Variants in ANKHD1 observed in about 807,000 individuals in gnomAD.
ANKHD1 encodes ankyrin repeat and KH domain-containing protein 1.
In ANKHD1, 31 loss-of-function variants were observed where a neutral mutation model predicts 230.5. That is an observed-to-expected ratio of 0.13 (90% CI 0.10 to 0.18). The LOEUF is 0.18. ANKHD1 is among the 10% of genes least tolerant of loss of function. ANKHD1 has a pLI of 1.00. For synonymous variants in ANKHD1, 1,074 were observed against 1,117.6 expected (o/e 0.96, Z 0.78); for missense variants, 2,256 against 3,071.3 (o/e 0.73, Z 6.27).
At chr5:140,441,825 A>G (rs1773870501) in intron 5 of ANKHD1, among the ~76,000 whole-genome samples, 1 of 152,094 alleles carries the variant, frequency 6.6e-6, no homozygotes, top group African/African-American at 2.4e-5. Flanking sequence ...AATTTGTTCT[A>G]TAGTAACCAT....
At chr5:140,514,438 G>C (rs1276879705) in intron 24 of ANKHD1, among the ~76,000 whole-genome samples, 2 of 151,966 alleles carry the variant, frequency 1.3e-5, no homozygotes, top group African/African-American at 4.8e-5. Context: ...AGGTTGCAGT[G>C]ACCTGTGATT....
At chr5:140,488,804 G>A (rs1183891403) in intron 14 of ANKHD1, among the ~76,000 whole-genome samples, 1 of 152,038 alleles carries the variant, frequency 6.6e-6, no homozygotes, top group Non-Finnish European at 1.5e-5. Flanking sequence ...GGAAGCTGAG[G>A]CATGAGAATC....
intron 8 of ANKHD1, 125 bp downstream of exon 8, chr5:140,458,987 T>TATATAC (rs1775480116): frequency 4.8e-5 from 1 of 20,762 alleles, no homozygotes; most frequent in Non-Finnish European, 8.4e-5. Context: ...TATGCATATA[T>TATATAC]ATATATATGC....
intron 7 of ANKHD1, among the ~76,000 whole-genome samples, chr5:140,456,998 A>G (rs1775244118): frequency 6.6e-6 from 1 of 152,168 alleles, no homozygotes; most frequent in Non-Finnish European, 1.5e-5. Context: ...AATGAACTCA[A>G]ACAAATTTAC....
intron 9 of ANKHD1, among the ~76,000 whole-genome samples, chr5:140,460,756 A>G (rs1775643354): frequency 6.6e-6 from 1 of 152,116 alleles, no homozygotes; most frequent in Non-Finnish European, 1.5e-5. Context: ...CCTGGGCTCA[A>G]GCAATCCTTC....
chr5:140,489,035 C>G (rs967247507), intron 14 of ANKHD1, among the ~76,000 whole-genome samples: 3 of 151,884 alleles, frequency 2.0e-5, no homozygotes, highest in East Asian at 3.9e-4. Context: ...CAAAAAAATA[C>G]AAAAGTTAGC....
intron 10 of ANKHD1, chr5:140,465,256 T>A (rs1776003304): frequency 6.6e-6 from 1 of 152,254 alleles, no homozygotes; most frequent in African/African-American, 2.4e-5. Flanking sequence ...TTTGAATGAT[T>A]TCTGTTGTTT....
At chr5:140,406,636 C>T (rs1581196174) in intron 1 of ANKHD1, among the ~76,000 whole-genome samples, 1 of 151,828 alleles carries the variant, frequency 6.6e-6, no homozygotes, top group Non-Finnish European at 1.5e-5. Context: ...CCTCTGCTTC[C>T]TGCATTCAAG....
Position 140,535,441 on chromosome 5 carries a change from A to G in ANKHD1, c.6930A>G (p.Gly2310=). 6.2e-7 allele frequency: 1 copy of G among 1,613,858 alleles called. No individual in the cohort carries two copies. The highest frequency in any genetic ancestry group is 8.5e-7 in the Non-Finnish European group (1 of 1,179,890). ...TGGCAAGTTTTTCCGGCATACCAGG[A>G]ACAAGGGTTTTCCTGCAAGGGCCAG... is the stretch of plus-strand genomic sequence containing the variant. ...APLASFSGIP[G]TRVFLQGPAP... is the part of the protein sequence containing the mutation. The change falls in exon 30 of 34, where the codon GGA becomes GGG. Residue 2310 remains glycine (G), a synonymous_variant. Coordinates refer to ENST00000360839, the MANE Select transcript of ANKHD1 (RefSeq NM_017747.3).
At chr5:140,538,010 T>A (rs1386555685) in intron 31 of ANKHD1, 76 bp from the exon 32 acceptor site, 1 of 1,521,692 alleles carries the variant, frequency 6.6e-7, no homozygotes, top group Non-Finnish European at 8.8e-7. Context: ...TTGGTCATGT[T>A]TGGTAATAAC....
At chr5:140,480,778 A>G (rs1280907772) in intron 10 of ANKHD1, among the ~76,000 whole-genome samples, 1 of 152,108 alleles carries the variant, frequency 6.6e-6, no homozygotes, top group African/African-American at 2.4e-5. Context: ...TTCCTGCATG[A>G]TTAAACAATA....
intron 7 of ANKHD1, among the ~76,000 whole-genome samples, chr5:140,452,947 C>T (rs889631499): frequency 6.6e-6 from 1 of 152,132 alleles, no homozygotes; most frequent in East Asian, 1.9e-4. Flanking sequence ...TCGAACCCAA[C>T]ACAAAGAAGC....
chr5:140,488,604 T>TA (rs953871724), intron 14 of ANKHD1, among the ~76,000 whole-genome samples: 23 of 141,568 alleles, frequency 1.6e-4, no homozygotes, highest in Non-Finnish European at 3.1e-4. Flanking sequence ...AAAAAAATCA[T>TA]AAAAAAAAAT....
In ANKHD1 at chr5:140,427,439, C is replaced by T. The variant is rs1258873395; in HGVS notation, c.307-8665C>T. Among the ~76,000 whole-genome samples, 7 of 130,814 alleles carry T rather than the reference C, an allele frequency of 5.4e-5. No homozygotes were observed. In the East Asian group the frequency reaches 1.5e-3, roughly 28 times the overall value. The allele number at this position is 130,814 out of a possible 152,430, so 85.8% of individuals were successfully genotyped here. ...GCGGGGGGCTGACCCCCCAACCTCT[C>T]TCCCGGACGGGGCGGCTGGCCGGGC... On this transcript the variant is annotated intron_variant, in intron 1 of 33. Coordinates refer to ENST00000360839, the MANE Select transcript of ANKHD1 (RefSeq NM_017747.3).
At chr5:140,515,648 G>A (rs1752967936) in intron 24 of ANKHD1, among the ~76,000 whole-genome samples, 1 of 152,188 alleles carries the variant, frequency 6.6e-6, no homozygotes, top group African/African-American at 2.4e-5. Context: ...CCTGACCCCT[G>A]AGCAGCCTAA....
rs369245406 is a variant in ANKHD1 at position 140,483,452 on chromosome 5, C to CTTTT, written c.1870+804_1870+807dup. ...TTAAAAATGCAGGGTAAGATTTTAT[C>CTTTT]TTTTTTTTTTTTTTTTTTTTTTGAG... On this transcript the variant is annotated intron_variant, in intron 11 of 33. Transcript: ENST00000360839. Among the ~76,000 whole-genome samples the CTTTT allele has an allele frequency of 4.0e-4, 44 of 110,588 alleles. 1 individual carries two copies. Among genetic ancestry groups the CTTTT allele is most frequent in the African/African-American group, 1.1e-3 (32 of 28,660 alleles). The allele number at this position is 110,588 out of a possible 152,430, so 72.6% of individuals were successfully genotyped here. A position where few individuals can be genotyped will look rare whatever the true frequency, so the allele number is the denominator to read the frequency against.
intron 15 of ANKHD1, among the ~76,000 whole-genome samples, chr5:140,501,001 A>T (rs552160052): frequency 2.5e-4 from 38 of 151,936 alleles, no homozygotes; most frequent in Non-Finnish European, 5.1e-4. Flanking sequence ...TAGGTTTAAG[A>T]ATTAAAAAGT....
At chr5:140,539,192 T>G in intron 33 of ANKHD1, 109 bp downstream of exon 33, 1 of 1,510,300 alleles carries the variant, frequency 6.6e-7, no homozygotes, top group Non-Finnish European at 8.9e-7. Flanking sequence ...ACCATTTCGA[T>G]CTGGATTGCT....
At chr5:140,501,270 G>C (rs1752291800) in intron 15 of ANKHD1, among the ~76,000 whole-genome samples, 1 of 150,964 alleles carries the variant, frequency 6.6e-6, no homozygotes, top group African/African-American at 2.4e-5. Context: ...AGTAGAGATG[G>C]GGTTTCACTA....
Sources: gnomAD v4.1 joint callset for allele counts (sites outside exome capture counted in the v4.1 genomes callset) on GRCh38, gnomAD v4.1.1 for gene constraint, MANE v1.5 for transcripts, NCBI Gene and HGNC (gene_info 2026-07-23, HGNC 2026-07-21) for gene names.